The following PITPNM2 variants were observed in gnomAD, a reference collection of about 807,000 sequenced individuals.
PITPNM2 encodes membrane-associated phosphatidylinositol transfer protein 2.
In PITPNM2, 35 loss-of-function variants were observed where a neutral mutation model predicts 132.2. The observed-to-expected ratio is 0.26, with a 90% CI of 0.20 to 0.35. The LOEUF (loss-of-function observed/expected upper bound fraction) is 0.35, where lower values mean the gene tolerates loss of function less well. Ranked by LOEUF, PITPNM2 falls within the 10% of genes least tolerant of loss-of-function variation. PITPNM2 has a pLI of 1.00. For synonymous variants in PITPNM2, 738 were observed against 799.2 expected (o/e 0.92, Z 1.29); for missense variants, 1,332 against 1,912.0 (o/e 0.70, Z 5.66).
rs929644869 is a variant in PITPNM2 at position 123,000,260 on chromosome 12, G to T, written c.1224+518C>A. 1 of 609,368 alleles carries T rather than the reference G, an allele frequency of 1.6e-6. No homozygotes were observed. The highest frequency in any genetic ancestry group is 1.8e-5 in the African/African-American group (1 of 54,084). The allele number at this position is 609,368 out of a possible 1,614,324, so 37.7% of individuals were successfully genotyped here. A position where few individuals can be genotyped will look rare whatever the true frequency, so the allele number is the denominator to read the frequency against. ...GACGGCCCGCAGGTGGAGGAGGATGGGGCATGAACTCCCACAGAGAACCCC... is the reference window on the plus strand; with the variant it reads ...GACGGCCCGCAGGTGGAGGAGGATGTGGCATGAACTCCCACAGAGAACCCC... On this transcript the variant is annotated intron_variant, in intron 10 of 25. Transcript: ENST00000320201. This position sits in a 1 kb window ranked among gnomAD's most constrained non-coding sequence, Gnocchi z 5.4.
chr12:123,123,851 G>A (rs992708310), intron 1 of PITPNM2, among the ~76,000 whole-genome samples: 11 of 151,068 alleles, frequency 7.3e-5, no homozygotes, highest in African/African-American at 2.7e-4. Flanking sequence ...CACAAGAATC[G>A]CCTGAACCCA....
In PITPNM2 at chr12:122,992,295, T is replaced by C. The variant is rs1594123247; in HGVS notation, c.2404+204A>G. Among the ~76,000 whole-genome samples the C allele has an allele frequency of 1.3e-5, 2 of 152,040 alleles. No homozygotes were observed. Among genetic ancestry groups the C allele is most frequent in the South Asian group, 4.2e-4 (2 of 4,804 alleles). ...TGTGTCCTCTGAAAGGTGGGAACTATCATTTGTGCCTCACAGGGATCAGTG... is the reference window on the plus strand; with the variant it reads ...TGTGTCCTCTGAAAGGTGGGAACTACCATTTGTGCCTCACAGGGATCAGTG... On this transcript the variant is annotated intron_variant, in intron 16 of 25. Coordinates refer to ENST00000320201, the MANE Select transcript of PITPNM2 (RefSeq NM_020845.3). The surrounding 1 kb of genome is among the most constrained non-coding windows in gnomAD (Gnocchi z 6.5).
chr12:123,005,927 G>T lies in PITPNM2; in HGVS notation c.644-379C>A. On this transcript the variant is annotated intron_variant, in intron 6 of 25. Transcript: ENST00000320201. The surrounding 1 kb of genome is among the most constrained non-coding windows in gnomAD (Gnocchi z 6.2). ...AGCCTGGGCAACGAAACAAGACCCTGTCTCTATAAAAAAAAAAAAAATTAA... is the reference window on the plus strand; with the variant it reads ...AGCCTGGGCAACGAAACAAGACCCTTTCTCTATAAAAAAAAAAAAAATTAA... 1.7e-5 allele frequency: 3 copies of T among 180,252 alleles called. No homozygotes were observed. Among genetic ancestry groups the T allele is most frequent in the East Asian group, 1.4e-4 (1 of 7,208 alleles). The allele number at this position is 180,252 out of a possible 1,614,324, so 11.2% of individuals were successfully genotyped here. A position where few individuals can be genotyped will look rare whatever the true frequency, so the allele number is the denominator to read the frequency against.
intron 2 of PITPNM2, among the ~76,000 whole-genome samples, chr12:123,086,658 C>A (rs1170603164): frequency 6.6e-6 from 1 of 152,210 alleles, no homozygotes; most frequent in Non-Finnish European, 1.5e-5. Context: ...AGGTTAGTGA[C>A]TTGCCCCAGG....
chr12:123,096,195 A>C (rs1029997218), intron 2 of PITPNM2, among the ~76,000 whole-genome samples: 1 of 152,256 alleles, frequency 6.6e-6, no homozygotes, highest in African/African-American at 2.4e-5. Context: ...CCCCGCTCCC[A>C]TGTGATGGCA....
At chr12:123,124,453 A>G (rs919742975) in intron 1 of PITPNM2, among the ~76,000 whole-genome samples, 2 of 152,156 alleles carry the variant, frequency 1.3e-5, no homozygotes, top group African/African-American at 4.8e-5. Flanking sequence ...TTAAAAAGTA[A>G]TATACATTAA....
rs1178275203 is a variant in PITPNM2 at position 123,106,725 on chromosome 12, A to G, written c.-96+3660T>C. Among the ~76,000 whole-genome samples, 1 of 152,178 alleles carries G rather than the reference A, an allele frequency of 6.6e-6. No individual in the cohort carries two copies. On this transcript the variant is annotated intron_variant, in intron 2 of 25. Coordinates refer to ENST00000320201, the MANE Select transcript of PITPNM2 (RefSeq NM_020845.3). The surrounding 1 kb of genome is among the most constrained non-coding windows in gnomAD (Gnocchi z 4.4). ...CCAAGCTCTGTGGGGACAGCAAAGG[A>G]GCTGAGGAGGAGCTCTCTGTGGACT...
intron 5 of PITPNM2, chr12:123,010,663 G>C (rs956699734): frequency 6.4e-6 from 1 of 155,998 alleles, no homozygotes; most frequent in South Asian, 2.0e-4. Context: ...GGGTGTCTGC[G>C]TGAGGAGAAG....
At position 123,095,896 on chromosome 12, in the gene PITPNM2, C is replaced by G. The variant is rs997286631; in HGVS notation, c.-96+14489G>C. Among the ~76,000 whole-genome samples the G allele has an allele frequency of 6.6e-6, 1 of 152,188 alleles. No individual in the cohort carries two copies. The highest frequency in any genetic ancestry group is 1.9e-4 in the East Asian group (1 of 5,186). ...ATGGGCTCCACGCCCCAGTGGCAGA[C>G]CCCCCCAACCCCACTTCCACAAGGC... On this transcript the variant is annotated intron_variant, in intron 2 of 25. Coordinates refer to ENST00000320201, the MANE Select transcript of PITPNM2 (RefSeq NM_020845.3). This position sits in a 1 kb window ranked among gnomAD's most constrained non-coding sequence, Gnocchi z 5.0.
Position 123,111,706 on chromosome 12 carries a change from C to T in PITPNM2, c.-199-1218G>A, listed in dbSNP as rs1177201595. 2.6e-5 allele frequency among the ~76,000 whole-genome samples: 4 copies of T among 152,210 alleles called. No individual in the cohort carries two copies. The highest frequency in any genetic ancestry group is 7.2e-5 in the African/African-American group (3 of 41,454). On this transcript the variant is annotated intron_variant, in intron 1 of 25. Coordinates refer to ENST00000320201, the MANE Select transcript of PITPNM2 (RefSeq NM_020845.3). This position sits in a 1 kb window ranked among gnomAD's most constrained non-coding sequence, Gnocchi z 4.1. ...CTGAGGCTCCATCGCTGTCCTGCCC[C>T]AGCCCCTTGTCTCCACGGCTGCATG...
In PITPNM2 at chr12:123,005,192, T is replaced by C. The variant is rs2038872229; in HGVS notation, c.952+48A>G. 1 of 1,575,704 alleles carries C rather than the reference T, an allele frequency of 6.3e-7. No individual in the cohort carries two copies. The highest frequency in any genetic ancestry group is 1.2e-5 in the South Asian group (1 of 85,388). ...GATCCAGCAGTGTGTGGGGCTGCCT[T>C]GAGGGGAGGGACCTTGAGTGTGGGT... On this transcript the variant is annotated intron_variant, in intron 7 of 25. Transcript: ENST00000320201. This position sits in a 1 kb window ranked among gnomAD's most constrained non-coding sequence, Gnocchi z 6.2.
intron 1 of PITPNM2, among the ~76,000 whole-genome samples, chr12:123,124,188 G>A (rs1014938096): frequency 3.3e-5 from 5 of 152,192 alleles, no homozygotes; most frequent in South Asian, 2.1e-4. Context: ...CCCAGGAGGC[G>A]GAGGTTGCAG....
chr12:123,034,808 T>C lies in PITPNM2; in HGVS notation c.-95-123A>G. 5.6e-6 allele frequency: 3 copies of C among 533,800 alleles called. No individual in the cohort carries two copies. In the Admixed American group the frequency reaches 9.3e-5, roughly 17 times the overall value. 33.1% of individuals were successfully genotyped at this position (533,800 alleles called of 1,614,324 possible). On this transcript the variant is annotated intron_variant, in intron 2 of 25. Coordinates refer to ENST00000320201, the MANE Select transcript of PITPNM2 (RefSeq NM_020845.3). ...AATTGTGGCCTCTGATCAGGCATGA[T>C]CCAACGGTGCAACTTTGAGCAGGTT... is the stretch of plus-strand genomic sequence containing the variant.
At chr12:123,107,129 G>A (rs532899814) in intron 2 of PITPNM2, among the ~76,000 whole-genome samples, 3 of 152,306 alleles carry the variant, frequency 2.0e-5, no homozygotes, top group Non-Finnish European at 4.4e-5. Context: ...CCCATGTCAT[G>A]AGCTCTCTTT....
At position 122,986,043 on chromosome 12, in the gene PITPNM2, G is replaced by A. The variant is rs1376046361; in HGVS notation, c.4034C>T (p.Ala1345Val). Residue 1345 changes from alanine to valine, a missense_variant, in exon 26 of 26, where the codon GCC becomes GTC. Ala to Val is a moderately conservative substitution (Grantham distance 64). This residue lies in a region of PITPNM2 where 163 missense variants were observed against 177.2 expected (regional missense o/e 0.92). Coordinates refer to ENST00000320201, the MANE Select transcript of PITPNM2 (RefSeq NM_020845.3). ...CACGGTGCCCTACTTGGGGCCCGCG[G>A]CTGCCCCCGGCTCCAGGCGGCCAGT... is the stretch of plus-strand genomic sequence containing the variant. ...AMTGRLEPGA[A>V]AGPK 7.1e-7 allele frequency: 1 copy of A among 1,405,796 alleles called. No individual in the cohort carries two copies. The highest frequency in any genetic ancestry group is 2.9e-5 in the East Asian group (1 of 33,952). The allele number at this position is 1,405,796 out of a possible 1,614,324, so 87.1% of individuals were successfully genotyped here. A position where few individuals can be genotyped will look rare whatever the true frequency, so the allele number is the denominator to read the frequency against.
In PITPNM2 at chr12:123,010,054, G is replaced by C. The variant is rs1412740334; in HGVS notation, c.439C>G (p.Pro147Ala). Reference protein sequence around the residue: ...TIDFIDIVKDPVPHNEYKTEE... With the variant: ...TIDFIDIVKDAVPHNEYKTEE... ...GTCTTATACTCGTTGTGGGGCACAGGGTCTTTGACAATGTCGATGAAGTCT... is the reference window on the plus strand; with the variant it reads ...GTCTTATACTCGTTGTGGGGCACAGCGTCTTTGACAATGTCGATGAAGTCT... The change falls in exon 6 of 26, where the codon CCT (proline) becomes GCT (alanine). Residue 147 changes from proline (P) to alanine (A), a missense_variant. This residue lies in a region of PITPNM2 where 122 missense variants were observed against 209.6 expected (regional missense o/e 0.58). Transcript: ENST00000320201. 6.2e-7 allele frequency: 1 copy of C among 1,614,030 alleles called. No individual in the cohort carries two copies. The highest frequency in any genetic ancestry group is 8.5e-7 in the Non-Finnish European group (1 of 1,179,946).
At chr12:123,137,040 G>A (rs760402905) in intron 1 of PITPNM2, among the ~76,000 whole-genome samples, 1 of 152,152 alleles carries the variant, frequency 6.6e-6, no homozygotes, top group South Asian at 2.1e-4. Context: ...CTTCCACATC[G>A]AAAGTTAATT....
chr12:123,098,159 G>A (rs185151669), intron 2 of PITPNM2, among the ~76,000 whole-genome samples: 5 of 152,306 alleles, frequency 3.3e-5, no homozygotes, highest in African/African-American at 4.8e-5. Flanking sequence ...CCTGTACAAC[G>A]GAATCATGGG....
At position 122,994,673 on chromosome 12, in the gene PITPNM2, G is replaced by A. The variant is rs1342430420; in HGVS notation, c.2233+128C>T. The A allele has an allele frequency of 2.4e-5, 26 of 1,087,828 alleles. No individual in the cohort carries two copies. Among genetic ancestry groups the A allele is most frequent in the Non-Finnish European group, 3.2e-5 (25 of 789,956 alleles). 67.4% of individuals were successfully genotyped at this position (1,087,828 alleles called of 1,614,324 possible). ...AGAGGATAGCAAGGGGCCCTTGGTG[G>A]GGAAGACAGGAAGGAGGGCAGAAAC... On this transcript the variant is annotated intron_variant, in intron 15 of 25. Transcript: ENST00000320201. The surrounding 1 kb of genome is among the most constrained non-coding windows in gnomAD (Gnocchi z 5.4).
Sources: gnomAD v4.1 joint callset for allele counts (sites outside exome capture counted in the v4.1 genomes callset) on GRCh38, gnomAD v4.1.1 for gene constraint, gnomAD v4.1.1 regional missense constraint, Gnocchi (gnomAD v3.1) non-coding constraint, MANE v1.5 for transcripts, NCBI Gene and HGNC (gene_info 2026-07-23, HGNC 2026-07-21) for gene names.